LSAMP: variants seen among roughly 807,000 people sequenced by gnomAD.
LSAMP encodes the protein limbic system-associated membrane protein.
Under a neutral mutation model 38.6 loss-of-function variants are expected in LSAMP, and 7 were observed. The ratio of observed to expected loss-of-function variants is 0.18; its 90% CI spans 0.10 to 0.34. The LOEUF is 0.34. Among genes scored for constraint, LSAMP ranks in the 10% least tolerant of loss-of-function variants. The probability of loss-of-function intolerance (pLI) is 1.00; values close to 1 mark genes in which losing one functional copy is unlikely to be tolerated. For missense variants in LSAMP, 313 were observed against 420.0 expected, an observed-to-expected ratio of 0.75 and a Z score of 2.23; for synonymous variants, 154 against 166.8, an observed-to-expected ratio of 0.92 and a Z score of 0.59.
chr3:116,391,231 G>A lies in LSAMP; in HGVS notation c.155+53646C>T, dbSNP rs142520598. Among the ~76,000 whole-genome samples the A allele has an allele frequency of 4.6e-3, 700 of 151,886 alleles. 19 individuals are homozygous for A. The highest frequency in any genetic ancestry group is 0.035 in the Admixed American group (541 of 15,286). ...CGTCTGGAGCGGCTGCTGCCATCGC[G>A]CTGGCAGTAGCGGCAGGAGCAGCTG... On this transcript the variant is annotated intron_variant, in intron 1 of 6. Coordinates refer to ENST00000490035, the MANE Select transcript of LSAMP (RefSeq NM_002338.5).
chr3:116,203,209 G>T (rs1250337745), intron 1 of LSAMP, among the ~76,000 whole-genome samples: 1 of 152,042 alleles, frequency 6.6e-6, no homozygotes, highest in Non-Finnish European at 1.5e-5. Context: ...GATACGCAAG[G>T]CAATATTTAA....
chr3:115,936,261 A>G (rs1937699441), intron 3 of LSAMP, among the ~76,000 whole-genome samples: 1 of 152,094 alleles, frequency 6.6e-6, no homozygotes, highest in Non-Finnish European at 1.5e-5. Flanking sequence ...TCTTTATTTG[A>G]GTAGGGAGAG....
At chr3:116,305,218 T>G (rs1576495770) in intron 1 of LSAMP, among the ~76,000 whole-genome samples, 1 of 152,246 alleles carries the variant, frequency 6.6e-6, no homozygotes, top group South Asian at 2.1e-4. Flanking sequence ...TTATTGTATT[T>G]ATTGGAACAG....
At chr3:115,868,970 G>GA (rs11292116) in intron 3 of LSAMP, among the ~76,000 whole-genome samples, 6 of 151,318 alleles carry the variant, frequency 4.0e-5, no homozygotes, top group Non-Finnish European at 5.9e-5. Flanking sequence ...TATAAATCAG[G>GA]AAAAAAAACC....
intron 3 of LSAMP, among the ~76,000 whole-genome samples, chr3:115,909,579 GT>G (rs1332457541): frequency 1.3e-5 from 2 of 152,110 alleles, no homozygotes. Context: ...CTAGATATTG[GT>G]TTAATCTGTG....
At chr3:116,085,414 A>G (rs1707967054) in intron 2 of LSAMP, among the ~76,000 whole-genome samples, 1 of 152,218 alleles carries the variant, frequency 6.6e-6, no homozygotes, top group African/African-American at 2.4e-5. Context: ...CACACCACTG[A>G]CTGCATTGGA....
intron 1 of LSAMP, among the ~76,000 whole-genome samples, chr3:116,330,784 C>A (rs1049886748): frequency 1.3e-5 from 2 of 151,994 alleles, no homozygotes; most frequent in African/African-American, 4.8e-5. Context: ...ACAAAAACAT[C>A]AAACTAAGTA....
chr3:116,444,459 G>C (rs1235993866), intron 1 of LSAMP, among the ~76,000 whole-genome samples: 1 of 150,278 alleles, frequency 6.7e-6, no homozygotes, highest in Non-Finnish European at 1.5e-5. Context: ...TACTCTCTGA[G>C]AGCCATAATC....
intron 1 of LSAMP, among the ~76,000 whole-genome samples, chr3:116,158,914 CAAAACAAAACAG>C (rs1462722892): frequency 6.6e-6 from 1 of 151,730 alleles, no homozygotes; most frequent in Non-Finnish European, 1.5e-5. Flanking sequence ...AAAAACGAAA[CAAAACAAAACAG>C]AAAACAAAAC....
At chr3:115,935,792 G>A (rs192570639) in intron 3 of LSAMP, among the ~76,000 whole-genome samples, 4 of 152,252 alleles carry the variant, frequency 2.6e-5, no homozygotes, top group Admixed American at 2.0e-4. Context: ...ATGTTTTAGT[G>A]TCTGTAAAAT....
At chr3:116,285,379 G>A (rs1457345383) in intron 1 of LSAMP, among the ~76,000 whole-genome samples, 1 of 152,114 alleles carries the variant, frequency 6.6e-6, no homozygotes. Flanking sequence ...ATATATGGGT[G>A]AGTCTGCCAA....
At chr3:115,824,789 A>AAT (rs1934355753) in intron 6 of LSAMP, among the ~76,000 whole-genome samples, 1 of 152,136 alleles carries the variant, frequency 6.6e-6, no homozygotes, top group Non-Finnish European at 1.5e-5. Flanking sequence ...TAAAACATAA[A>AAT]ATAGATTATA....
At chr3:116,383,541 C>G (rs960484738) in intron 1 of LSAMP, among the ~76,000 whole-genome samples, 1 of 152,032 alleles carries the variant, frequency 6.6e-6, no homozygotes, top group African/African-American at 2.4e-5. Context: ...GGACCAGGTC[C>G]TAGGGCTCTT....
intron 1 of LSAMP, among the ~76,000 whole-genome samples, chr3:116,290,688 C>T (rs759170234): frequency 5.1e-4 from 77 of 150,880 alleles, no homozygotes; most frequent in Non-Finnish European, 1.1e-3. Flanking sequence ...CAAGATTGCA[C>T]CATTTCACTC....
intron 6 of LSAMP, among the ~76,000 whole-genome samples, chr3:115,823,120 T>G (rs1464728666): frequency 2.0e-5 from 3 of 152,240 alleles, no homozygotes; most frequent in African/African-American, 7.2e-5. Flanking sequence ...GTCATTGGAT[T>G]AAAAAGAACA....
At chr3:115,874,501 G>T (rs2107408319) in intron 3 of LSAMP, among the ~76,000 whole-genome samples, 1 of 152,180 alleles carries the variant, frequency 6.6e-6, no homozygotes, top group East Asian at 1.9e-4. Context: ...TATACCATAA[G>T]ATTTGTAAAG....
chr3:116,200,566 G>A (rs189590156), intron 1 of LSAMP, among the ~76,000 whole-genome samples: 2 of 152,232 alleles, frequency 1.3e-5, no homozygotes, highest in African/African-American at 4.8e-5. Flanking sequence ...CCCCAAACAG[G>A]AGACACATAG....
intron 1 of LSAMP, among the ~76,000 whole-genome samples, chr3:116,182,205 G>C (rs912662181): frequency 5.3e-5 from 8 of 151,798 alleles, no homozygotes; most frequent in Admixed American, 2.0e-4. Context: ...CACCTCTGTA[G>C]CAAATGATGC....
At chr3:115,981,296 T>G (rs780215018) in intron 3 of LSAMP, among the ~76,000 whole-genome samples, 7 of 152,146 alleles carry the variant, frequency 4.6e-5, no homozygotes, top group Non-Finnish European at 1.0e-4. Flanking sequence ...GTAAAATTAT[T>G]TCTCAGTCAA....
Sources: gnomAD v4.1 joint callset for allele counts (sites outside exome capture counted in the v4.1 genomes callset) on GRCh38, gnomAD v4.1.1 for gene constraint, MANE v1.5 for transcripts, NCBI Gene and HGNC (gene_info 2026-07-23, HGNC 2026-07-21) for gene names.